WDR3: variants seen among roughly 807,000 people sequenced by gnomAD.
WDR3 encodes the protein WD repeat domain 3.
Under a neutral mutation model 123.7 loss-of-function variants are expected in WDR3, and 81 were observed. The observed-to-expected ratio is 0.65, with a 90% CI of 0.55 to 0.79. The LOEUF (loss-of-function observed/expected upper bound fraction) is 0.79, where lower values mean the gene tolerates loss of function less well. Ranked by LOEUF, WDR3 falls within the 30% of genes least tolerant of loss-of-function variation. The pLI, the probability that WDR3 is intolerant of heterozygous loss-of-function variation, is 0.00. For missense variants in WDR3, 1,027 were observed against 1,123.2 expected (o/e 0.91, Z 1.22); for synonymous variants, 390 against 388.8 (o/e 1.00, Z -0.04).
chr1:117,946,183 A>G lies in WDR3; in HGVS notation c.1422+4A>G. On this transcript the variant is annotated splice_donor_region_variant and intron_variant, in intron 12 of 26. Coordinates refer to ENST00000349139, the MANE Select transcript of WDR3 (RefSeq NM_006784.3). ...ACAGGTAGTCATAGGAACAAAGGTA[A>G]ATGGAGACTTTTTCTGGGATATCTG... The G allele has an allele frequency of 6.3e-7, 1 of 1,597,356 alleles. No individual in the cohort carries two copies. The highest frequency in any genetic ancestry group is 8.5e-7 in the Non-Finnish European group (1 of 1,171,722).
rs1652905199 is a variant in WDR3, at chr1:117,960,378, T to A, written c.*931T>A. On this transcript the variant is annotated 3_prime_UTR_variant, in exon 27 of 27. Coordinates refer to ENST00000349139, the MANE Select transcript of WDR3 (RefSeq NM_006784.3). Reference sequence around the variant, plus strand: ...AAGCTAGAGAAAAGAAAATGTTACTTAGAAAATCATAAGGAAGAGAAAATA... The same window carrying A: ...AAGCTAGAGAAAAGAAAATGTTACTAAGAAAATCATAAGGAAGAGAAAATA... 1 of 152,176 alleles carries A rather than the reference T, an allele frequency of 6.6e-6. No individual in the cohort carries two copies. The highest frequency in any genetic ancestry group is 6.5e-5 in the Admixed American group (1 of 15,274). 9.4% of individuals were successfully genotyped at this position (152,176 alleles called of 1,614,324 possible). A position where few individuals can be genotyped will look rare whatever the true frequency, so the allele number is the denominator to read the frequency against.
chr1:117,951,852 G>GA, intron 16 of WDR3, 124 bp from the exon 17 acceptor site: 1 of 872,272 alleles, frequency 1.1e-6, no homozygotes. Context: ...TAGTAGAGAT[G>GA]AAAATCAGTT....
At position 117,959,687 on chromosome 1, in the gene WDR3, C is replaced by CT; in HGVS notation, c.*242dup. 1 of 338,498 alleles carries CT rather than the reference C, an allele frequency of 3.0e-6. No individual in the cohort carries two copies. Among genetic ancestry groups the CT allele is most frequent in the East Asian group, 4.8e-5 (1 of 20,696 alleles). 21.0% of individuals were successfully genotyped at this position (338,498 alleles called of 1,614,324 possible). ...TAAAAATCTTTCTGTGCTCTCAAAG[C>CT]TTGAGCCTTGCAGCTCAAGCTTGTT... On this transcript the variant is annotated 3_prime_UTR_variant, in exon 27 of 27. Transcript: ENST00000349139.
chr1:117,966,528 T>C lies in WDR3; in HGVS notation c.*7081T>C, dbSNP rs1237212180. 8.1e-7 allele frequency: 1 copy of C among 1,231,138 alleles called. No individual in the cohort carries two copies. Among genetic ancestry groups the C allele is most frequent in the Non-Finnish European group, 1.1e-6 (1 of 909,934 alleles). 76.3% of individuals were successfully genotyped at this position (1,231,138 alleles called of 1,614,324 possible). ...GAAGATAGAATTAATAAAGTAGAGA[T>C]GCATTTTGACTTCCATGTTTTCCTC... is the stretch of plus-strand genomic sequence containing the variant. On this transcript the variant is annotated 3_prime_UTR_variant, in exon 27 of 27. Transcript: ENST00000349139.
At chr1:117,935,720 TAAGTA>T (rs1011196668) in intron 3 of WDR3, among the ~76,000 whole-genome samples, 1 of 151,974 alleles carries the variant, frequency 6.6e-6, no homozygotes, top group African/African-American at 2.4e-5. Flanking sequence ...AGAAAATATG[TAAGTA>T]AATATCCGAT....
chr1:117,959,321 T>C lies in WDR3; in HGVS notation c.2706T>C (p.Leu902=). The change falls in exon 27 of 27, where the codon CTT becomes CTC. Residue 902 remains leucine, a synonymous_variant. Transcript: ENST00000349139. The part of the protein sequence containing the change: ...RDVIGFNMAG[L]DYLKRECEAK... ...TTATCGGCTTCAATATGGCTGGTCT[T>C]GATTATCTCAAGAGGGAATGCGAGG... The C allele has an allele frequency of 1.9e-6, 3 of 1,613,704 alleles. No individual in the cohort carries two copies. The highest frequency in any genetic ancestry group is 2.5e-6 in the Non-Finnish European group (3 of 1,179,904).
chr1:117,931,481 A>G (rs1218665483), intron 1 of WDR3, among the ~76,000 whole-genome samples: 1 of 151,824 alleles, frequency 6.6e-6, no homozygotes, highest in African/African-American at 2.4e-5. Flanking sequence ...AAGAAAAGAG[A>G]GGGGTACCAG....
intron 15 of WDR3, 45 bp from the exon 16 acceptor site, chr1:117,950,789 C>T: frequency 6.9e-7 from 1 of 1,441,418 alleles, no homozygotes; most frequent in African/African-American, 1.4e-5. Flanking sequence ...TAAATTATAC[C>T]CATATTTTAT....
At chr1:117,948,660 C>T (rs994981589) in intron 13 of WDR3, among the ~76,000 whole-genome samples, 154 bp downstream of exon 13, 5 of 150,544 alleles carry the variant, frequency 3.3e-5, no homozygotes, top group African/African-American at 7.3e-5. Context: ...GACCACCTGT[C>T]ATTATGAAAT....
At position 117,952,995 on chromosome 1, in the gene WDR3, C is replaced by T. The variant is rs942069631; in HGVS notation, c.2201C>T (p.Ala734Val). The T allele has an allele frequency of 6.2e-7, 1 of 1,612,946 alleles. No homozygotes were observed. The highest frequency in any genetic ancestry group is 8.5e-7 in the Non-Finnish European group (1 of 1,179,266). ...EESVAKEDQP[A>V]VPGETQGDSY... ...AGTGTGGCCAAAGAAGACCAACCAG[C>T]AGTAAGTAAATTTTGGGGACCTTGA... is the stretch of plus-strand genomic sequence containing the variant. Residue 734 changes from alanine to valine, a missense_variant and splice_region_variant, in exon 20 of 27, where the codon GCA becomes GTA. Coordinates refer to ENST00000349139, the MANE Select transcript of WDR3 (RefSeq NM_006784.3).
Position 117,959,502 on chromosome 1 carries a change from A to T in WDR3, c.*55A>T. On this transcript the variant is annotated 3_prime_UTR_variant, in exon 27 of 27. Transcript: ENST00000349139. ...AACTTTTTCCTTTAAAGGACTCCTAAACTAAGCACAGAAGAGTTGGCGTCA... is the reference window on the plus strand; with the variant it reads ...AACTTTTTCCTTTAAAGGACTCCTATACTAAGCACAGAAGAGTTGGCGTCA... The T allele has an allele frequency of 6.7e-7, 1 of 1,496,986 alleles. No individual in the cohort carries two copies. Among genetic ancestry groups the T allele is most frequent in the Non-Finnish European group, 8.9e-7 (1 of 1,120,186 alleles). The allele number at this position is 1,496,986 out of a possible 1,614,324, so 92.7% of individuals were successfully genotyped here.
chr1:117,945,408 TC>T (rs1315234639), intron 11 of WDR3, among the ~76,000 whole-genome samples: 1 of 152,198 alleles, frequency 6.6e-6, no homozygotes, highest in Non-Finnish European at 1.5e-5. Context: ...TCTGCCTGAA[TC>T]CATCTTCCCC....
At chr1:117,948,249 T>C (rs1295106739) in intron 12 of WDR3, among the ~76,000 whole-genome samples, 156 bp from the exon 13 acceptor site, 1 of 152,144 alleles carries the variant, frequency 6.6e-6, no homozygotes, top group East Asian at 1.9e-4. Context: ...TTTAATCAGG[T>C]AGGAAATACA....
Position 117,948,513 on chromosome 1 carries a change from A to G in WDR3, c.1524+7A>G. 6.2e-7 allele frequency: 1 copy of G among 1,610,824 alleles called. No homozygotes were observed. Among genetic ancestry groups the G allele is most frequent in the Non-Finnish European group, 8.5e-7 (1 of 1,177,900 alleles). The stretch of plus-strand genomic sequence containing the variant: ...GTCCCTCTCTCCAGATCAGGTAACT[A>G]AACCAGATTTTAAAGCCCTGGAGTT... On this transcript the variant is annotated splice_region_variant and intron_variant, in intron 13 of 26. Transcript: ENST00000349139.
chr1:117,940,837 C>T lies in WDR3; in HGVS notation c.686C>T (p.Pro229Leu), dbSNP rs113562447. ...DIAYLQEIED[P>L]EEPDPKKIKG... ...ATTTTTATAAAACAGATTGAAGACC[C>T]GGAAGAACCAGACCCCAAGAAAATC... The change falls in exon 7 of 27, where the codon CCG (proline) becomes CTG (leucine). Residue 229 changes from proline (P) to leucine (L), a missense_variant. Pro to Leu is a moderately conservative substitution (Grantham distance 98, BLOSUM62 -3). Coordinates refer to ENST00000349139, the MANE Select transcript of WDR3 (RefSeq NM_006784.3). 2,529 of 1,610,926 alleles carry T rather than the reference C, an allele frequency of 1.6e-3. 35 individuals carry two copies. The African/African-American group carries it at 0.026, about 17-fold the overall frequency.
chr1:117,962,985 A>C lies in WDR3; in HGVS notation c.*3538A>C, dbSNP rs1294428824. ...TGTCTGCAATCCACCCCCATTCCTCACAATTTAAGCTCCTAAGTTTGAGAT... is the reference window on the plus strand; with the variant it reads ...TGTCTGCAATCCACCCCCATTCCTCCCAATTTAAGCTCCTAAGTTTGAGAT... On this transcript the variant is annotated 3_prime_UTR_variant, in exon 27 of 27. Coordinates refer to ENST00000349139, the MANE Select transcript of WDR3 (RefSeq NM_006784.3). 6.6e-6 allele frequency: 1 copy of C among 152,266 alleles called. No homozygotes were observed. 9.4% of individuals were successfully genotyped at this position (152,266 alleles called of 1,614,324 possible).
rs1653851814 is a variant in WDR3 at position 117,966,411 on chromosome 1, T to C, written c.*6964T>C. On this transcript the variant is annotated 3_prime_UTR_variant, in exon 27 of 27. Coordinates refer to ENST00000349139, the MANE Select transcript of WDR3 (RefSeq NM_006784.3). ...ATTCAATCTGAAGTTACTGCACATATACTATGTGTCAGGTATTTTTTTAGA... is the reference window on the plus strand; with the variant it reads ...ATTCAATCTGAAGTTACTGCACATACACTATGTGTCAGGTATTTTTTTAGA... 4.2e-6 allele frequency: 2 copies of C among 471,178 alleles called. No individual in the cohort carries two copies. Among genetic ancestry groups the C allele is most frequent in the Non-Finnish European group, 7.4e-6 (2 of 271,184 alleles). The allele number at this position is 471,178 out of a possible 1,614,324, so 29.2% of individuals were successfully genotyped here.
In WDR3 at chr1:117,943,530, T is replaced by C. The variant is rs771302709; in HGVS notation, c.1232T>C (p.Ile411Thr). Residue 411 changes from isoleucine (I) to threonine (T), a missense_variant, in exon 11 of 27, where the codon ATT becomes ACT. Coordinates refer to ENST00000349139, the MANE Select transcript of WDR3 (RefSeq NM_006784.3). Reference protein sequence around the residue: ...PQPVRTSRITIGGHRSDVRTL... With the variant: ...PQPVRTSRITTGGHRSDVRTL... ...CCTGTCAGGACAAGCAGAATCACTATTGGGGGTCATCGCAGTGATGTGCGG... is the reference window on the plus strand; with the variant it reads ...CCTGTCAGGACAAGCAGAATCACTACTGGGGGTCATCGCAGTGATGTGCGG... 12 of 1,614,002 alleles carry C rather than the reference T, an allele frequency of 7.4e-6. No individual in the cohort carries two copies. In the East Asian group the frequency reaches 8.9e-5, roughly 12 times the overall value.
rs190451375 is a variant in WDR3, at chr1:117,964,840, T to G, written c.*5393T>G. 11 of 152,252 alleles carry G rather than the reference T, an allele frequency of 7.2e-5. No homozygotes were observed. Among genetic ancestry groups the G allele is most frequent in the Admixed American group, 2.0e-4 (3 of 15,282 alleles). 9.4% of individuals were successfully genotyped at this position (152,252 alleles called of 1,614,324 possible). Reference sequence around the variant, plus strand: ...TAACTTTCTCCTTCACCTCGGAATATCTGAATCATCAGCTATCTTCAGCTT... The same window carrying G: ...TAACTTTCTCCTTCACCTCGGAATAGCTGAATCATCAGCTATCTTCAGCTT... On this transcript the variant is annotated 3_prime_UTR_variant, in exon 27 of 27. Transcript: ENST00000349139.
Sources: allele counts gnomAD v4.1 joint callset (sites outside exome capture counted in the v4.1 genomes callset), GRCh38; gene constraint gnomAD v4.1.1; transcripts MANE v1.5; gene names NCBI Gene and HGNC (gene_info 2026-07-23, HGNC 2026-07-21).